The following MTR variants were observed in gnomAD, a reference collection of about 807,000 sequenced individuals.
The protein encoded by MTR is methionine synthase.
MTR carries 84 observed loss-of-function variants against 154.8 expected under a neutral mutation model. The observed-to-expected ratio is 0.54, with a 90% CI of 0.45 to 0.65. MTR has a LOEUF of 0.65. Among genes scored for constraint, MTR ranks in the 30% least tolerant of loss-of-function variants. MTR has a pLI of 0.00. For synonymous variants in MTR, 554 were observed against 553.9 expected (o/e 1.00, Z 0.00); for missense variants, 1,275 against 1,570.2 (o/e 0.81, Z 3.18).
chr1:236,811,959 C>T (rs1661330483), intron 5 of MTR, among the ~76,000 whole-genome samples: 1 of 152,216 alleles, frequency 6.6e-6, no homozygotes, highest in Admixed American at 6.5e-5. Context: ...TGGCTTACTG[C>T]AGCCTCCACC....
chr1:236,864,148 G>T (rs190280886), intron 22 of MTR, among the ~76,000 whole-genome samples: 37 of 152,290 alleles, frequency 2.4e-4, no homozygotes, highest in African/African-American at 8.7e-4. Context: ...ATGACCTGTA[G>T]TAAGTATGTG....
rs1188855462 is a variant in MTR at position 236,795,507 on chromosome 1, G to C, written c.-197G>C. The stretch of plus-strand genomic sequence containing the variant: ...TCCAGCAGTTGCCGCGCCCAGCCCC[G>C]AGAGAGGCCCTAGGGCGCTGCGGGC... On this transcript the variant is annotated 5_prime_UTR_variant, in exon 1 of 33. Coordinates refer to ENST00000366577, the MANE Select transcript of MTR (RefSeq NM_000254.3). 1 of 1,523,138 alleles carries C rather than the reference G, an allele frequency of 6.6e-7. No individual in the cohort carries two copies. Among genetic ancestry groups the C allele is most frequent in the Admixed American group, 2.0e-5 (1 of 50,508 alleles). The allele number at this position is 1,523,138 out of a possible 1,614,324, so 94.4% of individuals were successfully genotyped here.
intron 4 of MTR, among the ~76,000 whole-genome samples, 174 bp from the exon 5 acceptor site, chr1:236,810,329 G>A (rs565165839): frequency 6.6e-6 from 1 of 152,260 alleles, no homozygotes; most frequent in Non-Finnish European, 1.5e-5. Context: ...GAGAGGTCAA[G>A]TTTTATTGTC....
At chr1:236,887,069 C>T (rs78958622) in intron 27 of MTR, among the ~76,000 whole-genome samples, 2,932 of 152,186 alleles carry the variant, frequency 0.019, 95 homozygotes, top group African/African-American at 0.065. Context: ...TTTTGACAGG[C>T]GCAGAGAGGC....
chr1:236,851,173 C>G (rs767610112), intron 16 of MTR, among the ~76,000 whole-genome samples: 5 of 152,060 alleles, frequency 3.3e-5, no homozygotes, highest in Non-Finnish European at 5.9e-5. Flanking sequence ...TCAGACTTAC[C>G]CATATGCAGA....
intron 8 of MTR, among the ~76,000 whole-genome samples, chr1:236,823,347 G>A (rs748573099): frequency 4.0e-4 from 61 of 152,092 alleles, no homozygotes; most frequent in Non-Finnish European, 7.8e-4. Flanking sequence ...TCTTTTGTGG[G>A]TCATGTCAGT....
At position 236,901,937 on chromosome 1, in the gene MTR, C is replaced by T. The variant is rs532989425; in HGVS notation, c.*4293C>T. 47 of 152,348 alleles carry T rather than the reference C, an allele frequency of 3.1e-4. 2 individuals are homozygous for T. The South Asian group carries it at 6.4e-3, about 21-fold the overall frequency. 9.4% of individuals were successfully genotyped at this position (152,348 alleles called of 1,614,324 possible). ...GTTCTCAAGCCCTGGCGATTTTACG[C>T]GCTAGATAGGTCTTAAGTTCATCTC... On this transcript the variant is annotated 3_prime_UTR_variant, in exon 33 of 33. Transcript: ENST00000366577.
intron 11 of MTR, among the ~76,000 whole-genome samples, chr1:236,828,266 C>G (rs917929656): frequency 6.6e-6 from 1 of 152,056 alleles, no homozygotes; most frequent in African/African-American, 2.4e-5. Context: ...TGTGAGCCAC[C>G]GCGCCTGGCC....
rs12093006 is a variant in MTR, at chr1:236,884,830, G to C, written c.2677-291G>C. ...GCATAAACGATGTGACGTGGCCCAG[G>C]GTGCCAGGTATACAGTGACTCTCTT... is the stretch of plus-strand genomic sequence containing the variant. On this transcript the variant is annotated intron_variant, in intron 25 of 32. Transcript: ENST00000366577. Among the ~76,000 whole-genome samples the C allele has an allele frequency of 0.033, 4,955 of 152,204 alleles. 256 individuals carry two copies. The highest frequency in any genetic ancestry group is 0.11 in the African/African-American group (4,621 of 41,492).
At chr1:236,870,411 C>G (rs1266973143) in intron 22 of MTR, among the ~76,000 whole-genome samples, 3 of 152,224 alleles carry the variant, frequency 2.0e-5, no homozygotes. Context: ...GACCTCTTCT[C>G]TGTCTTCACT....
At chr1:236,820,950 T>C (rs1661903366) in intron 8 of MTR, among the ~76,000 whole-genome samples, 1 of 152,238 alleles carries the variant, frequency 6.6e-6, no homozygotes, top group Non-Finnish European at 1.5e-5. Context: ...ATATCTTCTT[T>C]GGTGAGGAGG....
At chr1:236,846,384 A>C (rs1389654551) in intron 15 of MTR, among the ~76,000 whole-genome samples, 1 of 148,400 alleles carries the variant, frequency 6.7e-6, no homozygotes, top group Non-Finnish European at 1.5e-5. Flanking sequence ...TTATCACATA[A>C]TAGCAGAATA....
At chr1:236,819,012 CT>C (rs569419768) in intron 8 of MTR, among the ~76,000 whole-genome samples, 207 of 152,222 alleles carry the variant, frequency 1.4e-3, no homozygotes, top group African/African-American at 4.8e-3. Flanking sequence ...ACAGAGTTTT[CT>C]TTTTTTCTTT....
intron 29 of MTR, among the ~76,000 whole-genome samples, chr1:236,893,273 T>G (rs1345552850): frequency 6.6e-6 from 1 of 152,200 alleles, no homozygotes; most frequent in African/African-American, 2.4e-5. Context: ...ACCAAACACC[T>G]CCTCGCCTGT....
At chr1:236,861,587 A>G (rs547575261) in intron 20 of MTR, among the ~76,000 whole-genome samples, 2 of 152,280 alleles carry the variant, frequency 1.3e-5, no homozygotes, top group Non-Finnish European at 2.9e-5. Context: ...ACCCAAGATA[A>G]ATGTAGAGTT....
Position 236,903,156 on chromosome 1 carries a change from G to A in MTR, c.*5512G>A, listed in dbSNP as rs905580544. ...AAAATAAAAAATAAAAAGTCTAAGA[G>A]GATACACAGAAATTTTTAAGTGGTT... On this transcript the variant is annotated 3_prime_UTR_variant, in exon 33 of 33. Coordinates refer to ENST00000366577, the MANE Select transcript of MTR (RefSeq NM_000254.3). 3 of 152,144 alleles carry A rather than the reference G, an allele frequency of 2.0e-5. No homozygotes were observed. Among genetic ancestry groups the A allele is most frequent in the Non-Finnish European group, 2.9e-5 (2 of 68,030 alleles). The allele number at this position is 152,144 out of a possible 1,614,324, so 9.4% of individuals were successfully genotyped here. A position where few individuals can be genotyped will look rare whatever the true frequency, so the allele number is the denominator to read the frequency against.
intron 15 of MTR, among the ~76,000 whole-genome samples, chr1:236,840,141 T>C (rs574405926): frequency 5.3e-5 from 8 of 152,320 alleles, no homozygotes; most frequent in African/African-American, 1.7e-4. Context: ...TTAAATGCAT[T>C]TTTTGTATGA....
chr1:236,827,471 T>C (rs951906258), intron 11 of MTR, among the ~76,000 whole-genome samples: 23 of 152,196 alleles, frequency 1.5e-4, no homozygotes, highest in African/African-American at 5.6e-4. Context: ...CCCTCAACTT[T>C]TCCCCCTGGA....
intron 19 of MTR, among the ~76,000 whole-genome samples, 164 bp downstream of exon 19, chr1:236,860,086 C>T (rs957615980): frequency 1.1e-5 from 1 of 89,854 alleles, no homozygotes; most frequent in Non-Finnish European, 2.3e-5. Flanking sequence ...CCCCCCCCCC[C>T]CCCCACCATA....
Sources: allele counts gnomAD v4.1 joint callset (sites outside exome capture counted in the v4.1 genomes callset), GRCh38; gene constraint gnomAD v4.1.1; transcripts MANE v1.5; gene names NCBI Gene and HGNC (gene_info 2026-07-23, HGNC 2026-07-21).